SPATA12: variants seen among roughly 807,000 people sequenced by gnomAD.
SPATA12 encodes spermatogenesis-associated protein 12.
For synonymous variants in SPATA12, 85 were observed against 89.2 expected (o/e 0.95, Z 0.26); for missense variants, 219 against 226.4 (o/e 0.97, Z 0.21).
chr3:57,074,300 G>A lies in SPATA12; in HGVS notation c.*33G>A. Reference sequence around the variant, plus strand: ...TAATCCTGCAACATCTGAGAGTCTGGCAGCTGTTTGTCTGGGCCTTTGCAC... The same window carrying A: ...TAATCCTGCAACATCTGAGAGTCTGACAGCTGTTTGTCTGGGCCTTTGCAC... On this transcript the variant is annotated 3_prime_UTR_variant, in exon 2 of 2. Transcript: ENST00000334325. 1 of 1,576,204 alleles carries A rather than the reference G, an allele frequency of 6.3e-7. No individual in the cohort carries two copies. Among genetic ancestry groups the A allele is most frequent in the Admixed American group, 1.7e-5 (1 of 58,904 alleles).
intron 1 of SPATA12, 53 bp downstream of exon 1, chr3:57,060,839 T>C (rs891206780): frequency 1.8e-5 from 2 of 111,656 alleles, no homozygotes; most frequent in Non-Finnish European, 3.3e-5. Context: ...CACACACACA[T>C]GGGCACACAC....
At chr3:57,064,350 G>A (rs927786837) in intron 1 of SPATA12, among the ~76,000 whole-genome samples, 3 of 151,334 alleles carry the variant, frequency 2.0e-5, no homozygotes, top group Non-Finnish European at 2.9e-5. Context: ...TGGAGACAGG[G>A]TTTCCCTCTG....
At chr3:57,071,764 T>C (rs981765654) in intron 1 of SPATA12, among the ~76,000 whole-genome samples, 4 of 148,820 alleles carry the variant, frequency 2.7e-5, no homozygotes, top group African/African-American at 7.4e-5. Context: ...CCAAGAAAAA[T>C]AGATAAATTG....
intron 1 of SPATA12, among the ~76,000 whole-genome samples, chr3:57,065,569 A>C (rs1315339154): frequency 6.6e-6 from 1 of 152,232 alleles, no homozygotes; most frequent in Non-Finnish European, 1.5e-5. Context: ...GTGCTAAAAA[A>C]CAGACTGGGT....
At chr3:57,063,192 G>A (rs1176457686) in intron 1 of SPATA12, among the ~76,000 whole-genome samples, 1 of 152,204 alleles carries the variant, frequency 6.6e-6, no homozygotes, top group African/African-American at 2.4e-5. Flanking sequence ...GGAACAGCAT[G>A]GAGGTGATGT....
chr3:57,066,088 C>T (rs1194512335), intron 1 of SPATA12, among the ~76,000 whole-genome samples: 1 of 151,594 alleles, frequency 6.6e-6, no homozygotes, highest in African/African-American at 2.4e-5. Flanking sequence ...TCAATCAGAA[C>T]AAGAAACTCT....
chr3:57,063,028 G>A (rs891018917), intron 1 of SPATA12, among the ~76,000 whole-genome samples: 2 of 152,188 alleles, frequency 1.3e-5, no homozygotes, highest in African/African-American at 4.8e-5. Context: ...AAGCAATGAA[G>A]GCAAAGGGGA....
chr3:57,069,537 A>G (rs1379266488), intron 1 of SPATA12, among the ~76,000 whole-genome samples: 5 of 152,230 alleles, frequency 3.3e-5, no homozygotes, highest in African/African-American at 1.2e-4. Context: ...TGATACAAAT[A>G]TAGGCACTCC....
At chr3:57,065,365 G>C (rs1705470848) in intron 1 of SPATA12, among the ~76,000 whole-genome samples, 1 of 152,100 alleles carries the variant, frequency 6.6e-6, no homozygotes, top group African/African-American at 2.4e-5. Flanking sequence ...GGAGGATGAG[G>C]CAGGAGAATC....
rs1275377942 is a variant in SPATA12, at chr3:57,074,353, C to A, written c.*86C>A. Reference sequence around the variant, plus strand: ...GCTATGCCCTCCCTTCCATCCCCCACCCCCACCAGGGGTGACTCGTAGCCA... The same window carrying A: ...GCTATGCCCTCCCTTCCATCCCCCAACCCCACCAGGGGTGACTCGTAGCCA... On this transcript the variant is annotated 3_prime_UTR_variant, in exon 2 of 2. Transcript: ENST00000334325. The A allele has an allele frequency of 3.3e-5, 41 of 1,235,792 alleles. No homozygotes were observed. Among genetic ancestry groups the A allele is most frequent in the Non-Finnish European group, 4.6e-5 (40 of 865,072 alleles). The allele number at this position is 1,235,792 out of a possible 1,614,324, so 76.6% of individuals were successfully genotyped here.
intron 1 of SPATA12, among the ~76,000 whole-genome samples, chr3:57,072,847 C>T (rs1705997263): frequency 6.6e-6 from 1 of 152,092 alleles, no homozygotes; most frequent in Non-Finnish European, 1.5e-5. Context: ...GAGTTCAAGA[C>T]CAGCCTGGCC....
chr3:57,071,902 A>G (rs1705926988), intron 1 of SPATA12, among the ~76,000 whole-genome samples: 2 of 152,230 alleles, frequency 1.3e-5, no homozygotes, highest in Non-Finnish European at 2.9e-5. Context: ...GAATATATAA[A>G]GAACACTTAC....
chr3:57,069,602 G>A (rs1201895259), intron 1 of SPATA12, among the ~76,000 whole-genome samples: 1 of 152,104 alleles, frequency 6.6e-6, no homozygotes, highest in Non-Finnish European at 1.5e-5. Context: ...CTGTGCCAAA[G>A]CATTACATCT....
At chr3:57,066,703 T>G (rs1705558496) in intron 1 of SPATA12, among the ~76,000 whole-genome samples, 1 of 152,242 alleles carries the variant, frequency 6.6e-6, no homozygotes, top group African/African-American at 2.4e-5. Context: ...AAGGTATTTT[T>G]TAGATGAGAT....
chr3:57,063,000 C>T (rs1705313418), intron 1 of SPATA12, among the ~76,000 whole-genome samples: 2 of 151,960 alleles, frequency 1.3e-5, no homozygotes, highest in African/African-American at 2.4e-5. Context: ...TATTGGATAA[C>T]GATAGTGTAA....
Position 57,073,892 on chromosome 3 carries a change from C to T in SPATA12, c.198C>T (p.Ala66=), listed in dbSNP as rs1180729394. ...GTGTCCTGCCAGGAGCAGCCTCTGC[C>T]CTCCCAGAGCTGACATTTCAGGGGG... ...GPGVLPGAAS[A]LPELTFQGDV... Residue 66 remains alanine (A), a synonymous_variant, in exon 2 of 2, where the codon GCC becomes GCT. Coordinates refer to ENST00000334325, the MANE Select transcript of SPATA12 (RefSeq NM_181727.2). 1 of 1,614,178 alleles carries T rather than the reference C, an allele frequency of 6.2e-7. No individual in the cohort carries two copies. The highest frequency in any genetic ancestry group is 1.7e-5 in the Admixed American group (1 of 60,024).
rs569128676 is a variant in SPATA12, at chr3:57,062,506, G to C, written c.-330+1720G>C. On this transcript the variant is annotated intron_variant, in intron 1 of 1. Transcript: ENST00000334325. ...GGGAAGCCTTTCAGAGAAGAGGGAA[G>C]GAAGCAGGGCAAGTGCCCAGCACAG... Among the ~76,000 whole-genome samples, 12 of 152,294 alleles carry C rather than the reference G, an allele frequency of 7.9e-5. No individual in the cohort carries two copies. In the South Asian group the frequency reaches 2.5e-3, roughly 32 times the overall value.
At chr3:57,069,972 A>C (rs1705794167) in intron 1 of SPATA12, among the ~76,000 whole-genome samples, 1 of 152,120 alleles carries the variant, frequency 6.6e-6, no homozygotes, top group Non-Finnish European at 1.5e-5. Context: ...ATGTGATATT[A>C]CTCCCTTTTT....
intron 1 of SPATA12, among the ~76,000 whole-genome samples, chr3:57,067,719 T>C (rs1182073351): frequency 3.3e-5 from 5 of 150,102 alleles, no homozygotes; most frequent in Non-Finnish European, 7.4e-5. Context: ...CGGTGGCTCA[T>C]GCCTGTAATC....
Sources: gnomAD v4.1 joint callset for allele counts (sites outside exome capture counted in the v4.1 genomes callset) on GRCh38, gnomAD v4.1.1 for gene constraint, MANE v1.5 for transcripts, NCBI Gene and HGNC (gene_info 2026-07-23, HGNC 2026-07-21) for gene names.